The following TRIO variants were observed in gnomAD, a reference collection of about 807,000 sequenced individuals.
TRIO encodes trio Rho guanine nucleotide exchange factor.
A neutral mutation model predicts 351.9 loss-of-function variants in TRIO; 58 were observed. The observed-to-expected ratio is 0.16, with a 90% CI of 0.13 to 0.21. The LOEUF (loss-of-function observed/expected upper bound fraction) is 0.21, where lower values mean the gene tolerates loss of function less well. Among genes scored for constraint, TRIO ranks in the 10% least tolerant of loss-of-function variants. The pLI, the probability that TRIO is intolerant of heterozygous loss-of-function variation, is 1.00. For missense variants in TRIO, 3,201 were observed against 4,027.8 expected (o/e 0.79, Z 5.56); for synonymous variants, 1,758 against 1,595.7 (o/e 1.10, Z -2.42).
chr5:14,360,210 T>C (rs561376558), intron 13 of TRIO, among the ~76,000 whole-genome samples: 1 of 152,218 alleles, frequency 6.6e-6, no homozygotes, highest in Non-Finnish European at 1.5e-5. Context: ...CGTGGACTTT[T>C]GCATCTTATA....
intron 19 of TRIO, among the ~76,000 whole-genome samples, chr5:14,376,648 T>C (rs770207775): frequency 2.0e-5 from 3 of 152,242 alleles, no homozygotes; most frequent in Non-Finnish European, 4.4e-5. Context: ...TGTCTCTCAA[T>C]TGATGGGTCA....
At chr5:14,372,219 G>A (rs1367800216) in intron 18 of TRIO, among the ~76,000 whole-genome samples, 2 of 132,810 alleles carry the variant, frequency 1.5e-5, no homozygotes, top group Non-Finnish European at 3.2e-5. Flanking sequence ...GCGGAGGGGG[G>A]GCGATGGTGG....
At chr5:14,424,076 C>T (rs949449779) in intron 34 of TRIO, among the ~76,000 whole-genome samples, 2 of 151,974 alleles carry the variant, frequency 1.3e-5, no homozygotes, top group South Asian at 4.1e-4. Flanking sequence ...ATGAAATGGG[C>T]TTTAAGAAGA....
chr5:14,265,661 T>G (rs539236728), intron 1 of TRIO, among the ~76,000 whole-genome samples: 6 of 152,228 alleles, frequency 3.9e-5, no homozygotes, highest in Non-Finnish European at 8.8e-5. Context: ...TGAGCGAGCA[T>G]TCTGGTCATC....
intron 33 of TRIO, among the ~76,000 whole-genome samples, chr5:14,408,544 C>T (rs1193926849): frequency 2.6e-5 from 4 of 152,072 alleles, no homozygotes; most frequent in East Asian, 1.9e-4. Context: ...CATTTCTCTC[C>T]GAGACCCCAC....
chr5:14,272,916 T>C (rs1326465908), intron 2 of TRIO, among the ~76,000 whole-genome samples: 3 of 152,186 alleles, frequency 2.0e-5, no homozygotes. Context: ...CAAAATAAAA[T>C]TTATCTCTAA....
chr5:14,286,725 G>T lies in TRIO; in HGVS notation c.348-146G>T, dbSNP rs1736474537. On this transcript the variant is annotated intron_variant, in intron 3 of 56. Transcript: ENST00000344204. This position sits in a 1 kb window ranked among gnomAD's most constrained non-coding sequence, Gnocchi z 4.4. The stretch of plus-strand genomic sequence containing the variant: ...TATGGTACAAGGGAGGGACGAGAAG[G>T]AGCTGAGCACAGTGTGCTCCTTCCC... 1.2e-5 allele frequency: 9 copies of T among 731,914 alleles called. No individual in the cohort carries two copies. The South Asian group carries it at 1.8e-4, about 15-fold the overall frequency. 45.3% of individuals were successfully genotyped at this position (731,914 alleles called of 1,614,324 possible). A position where few individuals can be genotyped will look rare whatever the true frequency, so the allele number is the denominator to read the frequency against.
At chr5:14,209,261 CGTT>C (rs1250819247) in intron 1 of TRIO, among the ~76,000 whole-genome samples, 1 of 152,104 alleles carries the variant, frequency 6.6e-6, no homozygotes, top group Non-Finnish European at 1.5e-5. Context: ...TACCTCATGA[CGTT>C]GTAAAGACCA....
At chr5:14,282,806 C>T (rs533779466) in intron 3 of TRIO, among the ~76,000 whole-genome samples, 1 of 152,182 alleles carries the variant, frequency 6.6e-6, no homozygotes, top group Non-Finnish European at 1.5e-5. Context: ...CTCTTCATGT[C>T]AGTACCTAGG....
chr5:14,365,194 G>C (rs1383326647), intron 15 of TRIO, among the ~76,000 whole-genome samples: 5 of 152,204 alleles, frequency 3.3e-5, no homozygotes, highest in African/African-American at 2.4e-5. Flanking sequence ...TCAGACTCCA[G>C]ATGCCTGGGG....
At chr5:14,209,549 C>T (rs775566553) in intron 1 of TRIO, among the ~76,000 whole-genome samples, 4 of 152,124 alleles carry the variant, frequency 2.6e-5, no homozygotes, top group Non-Finnish European at 5.9e-5. Flanking sequence ...ATGCTTGTAT[C>T]GTACTGGGTT....
chr5:14,210,484 C>G (rs546968807), intron 1 of TRIO, among the ~76,000 whole-genome samples: 1 of 152,314 alleles, frequency 6.6e-6, no homozygotes, highest in Non-Finnish European at 1.5e-5. Flanking sequence ...ATGGGAGCAT[C>G]TGTCAGAGCC....
At chr5:14,181,964 TCTC>T in intron 1 of TRIO, among the ~76,000 whole-genome samples, 1 of 152,224 alleles carries the variant, frequency 6.6e-6, no homozygotes, top group East Asian at 1.9e-4. Context: ...CTGTTTTTAA[TCTC>T]CTTCTCCCCA....
intron 32 of TRIO, 195 bp from the exon 33 acceptor site, chr5:14,406,378 A>T (rs1367458618): frequency 3.4e-6 from 2 of 596,684 alleles, no homozygotes; most frequent in African/African-American, 3.7e-5. Context: ...CAACAGGATG[A>T]TATGTTTTAA....
intron 30 of TRIO, 48 bp downstream of exon 30, chr5:14,399,118 A>C: frequency 6.5e-7 from 1 of 1,534,474 alleles, no homozygotes; most frequent in South Asian, 1.1e-5. Flanking sequence ...ACACAATTGC[A>C]GTCTTTTTGT....
chr5:14,339,278 C>T (rs1301122591), intron 11 of TRIO, among the ~76,000 whole-genome samples: 2 of 152,256 alleles, frequency 1.3e-5, no homozygotes, highest in South Asian at 2.1e-4. Context: ...TTCGTTTGGG[C>T]TCATTGGCTT....
In TRIO at chr5:14,183,758, G is replaced by A. The variant is rs761120093; in HGVS notation, c.157+39876G>A. ...CCCGTTTGCTGAGGAGGGAAGGCAT[G>A]CGGCCGCAGTTACAGCATGCTGGCT... On this transcript the variant is annotated intron_variant, in intron 1 of 56. Transcript: ENST00000344204. 2.9e-5 allele frequency: 15 copies of A among 510,422 alleles called. 1 individual carries two copies. Among genetic ancestry groups the A allele is most frequent in the South Asian group, 2.1e-4 (9 of 43,638 alleles). The allele number at this position is 510,422 out of a possible 1,614,324, so 31.6% of individuals were successfully genotyped here. A position where few individuals can be genotyped will look rare whatever the true frequency, so the allele number is the denominator to read the frequency against.
At chr5:14,168,266 G>T (rs928712784) in intron 1 of TRIO, among the ~76,000 whole-genome samples, 1 of 152,222 alleles carries the variant, frequency 6.6e-6, no homozygotes, top group Non-Finnish European at 1.5e-5. Flanking sequence ...GATATGCCAC[G>T]TGTTTAATTC....
At chr5:14,414,332 C>T (rs17306809) in intron 33 of TRIO, among the ~76,000 whole-genome samples, 5,753 of 152,324 alleles carry the variant, frequency 0.038, 143 homozygotes, top group Non-Finnish European at 0.057. Flanking sequence ...AAGCCTAATG[C>T]GAGGGAGCTG....
Sources: gnomAD v4.1 joint callset for allele counts (sites outside exome capture counted in the v4.1 genomes callset) on GRCh38, gnomAD v4.1.1 for gene constraint, Gnocchi (gnomAD v3.1) non-coding constraint, MANE v1.5 for transcripts, NCBI Gene and HGNC (gene_info 2026-07-23, HGNC 2026-07-21) for gene names.